CACNA2D3: variants seen among roughly 807,000 people sequenced by gnomAD.
CACNA2D3 encodes voltage-dependent calcium channel subunit alpha-2/delta-3.
Under a neutral mutation model 160.6 loss-of-function variants are expected in CACNA2D3, and 60 were observed. The ratio of observed to expected loss-of-function variants is 0.37; its 90% CI spans 0.30 to 0.46. The LOEUF (loss-of-function observed/expected upper bound fraction) is 0.46. CACNA2D3 is among the 20% of genes least tolerant of loss of function. CACNA2D3 has a pLI of 1.00. For missense variants in CACNA2D3, 1,205 were observed against 1,365.0 expected, an observed-to-expected ratio of 0.88 and a Z score of 1.85; for synonymous variants, 558 against 492.9, an observed-to-expected ratio of 1.13 and a Z score of -1.75.
chr3:54,998,196 A>G (rs1702901245), intron 31 of CACNA2D3, among the ~76,000 whole-genome samples: 1 of 143,670 alleles, frequency 7.0e-6, no homozygotes, highest in Non-Finnish European at 1.5e-5. Context: ...GTGCGGTGGC[A>G]CAAATCTCAG....
At chr3:54,636,381 G>A (rs1575397612) in intron 10 of CACNA2D3, among the ~76,000 whole-genome samples, 1 of 151,964 alleles carries the variant, frequency 6.6e-6, no homozygotes, top group Non-Finnish European at 1.5e-5. Context: ...TTGAAGTCCG[G>A]GCCAGGAACA....
intron 3 of CACNA2D3, among the ~76,000 whole-genome samples, chr3:54,350,462 C>T (rs1698532735): frequency 6.6e-6 from 1 of 152,092 alleles, no homozygotes. Context: ...GTCTGAGTGT[C>T]AGTGCAAGTG....
At chr3:55,038,907 T>TATATATATATACACAC (rs1553636480) in intron 35 of CACNA2D3, among the ~76,000 whole-genome samples, 1 of 113,068 alleles carries the variant, frequency 8.8e-6, no homozygotes, top group African/African-American at 3.2e-5. Context: ...TATATATATA[T>TATATATATATACACAC]ACACACACTG....
At position 54,824,223 on chromosome 3, in the gene CACNA2D3, A is replaced by C. The variant is rs77558817; in HGVS notation, c.1398+7353A>C. On this transcript the variant is annotated intron_variant, in intron 14 of 37. Transcript: ENST00000474759. The stretch of plus-strand genomic sequence containing the variant: ...TATTTTCTACCAAAGGCGATCTACC[A>C]ATCTTTAATCAAAGACTCAGTCCAT... Among the ~76,000 whole-genome samples the C allele has an allele frequency of 4.0e-3, 613 of 152,346 alleles. 4 individuals are homozygous for C. Among genetic ancestry groups the C allele is most frequent in the African/African-American group, 0.013 (529 of 41,572 alleles).
chr3:55,010,013 T>A (rs954976090), intron 34 of CACNA2D3, among the ~76,000 whole-genome samples: 10 of 152,202 alleles, frequency 6.6e-5, no homozygotes, highest in Non-Finnish European at 1.2e-4. Flanking sequence ...TTCCCTATGC[T>A]AAGCACAATG....
intron 17 of CACNA2D3, among the ~76,000 whole-genome samples, chr3:54,854,454 C>T (rs1354013923): frequency 5.3e-5 from 8 of 152,238 alleles, no homozygotes; most frequent in South Asian, 4.1e-4. Flanking sequence ...CTTGAGAACC[C>T]ACAGCTCCTG....
chr3:54,920,071 G>A (rs907533366), intron 27 of CACNA2D3, among the ~76,000 whole-genome samples: 4 of 152,208 alleles, frequency 2.6e-5, no homozygotes, highest in African/African-American at 9.7e-5. Context: ...TAGGCCAGCC[G>A]AAAAGACTGG....
At chr3:54,387,725 A>C (rs920360743) in intron 4 of CACNA2D3, among the ~76,000 whole-genome samples, 11 of 152,210 alleles carry the variant, frequency 7.2e-5, no homozygotes, top group Non-Finnish European at 1.5e-4. Context: ...AAGAACTTTT[A>C]TCTAAATTGG....
At chr3:54,542,206 C>T (rs557661688) in intron 5 of CACNA2D3, among the ~76,000 whole-genome samples, 35 of 151,890 alleles carry the variant, frequency 2.3e-4, no homozygotes, top group African/African-American at 3.6e-4. Flanking sequence ...GGATTACAGG[C>T]ACGTACCACC....
At chr3:54,226,640 T>G (rs1701678964) in intron 2 of CACNA2D3, among the ~76,000 whole-genome samples, 1 of 152,110 alleles carries the variant, frequency 6.6e-6, no homozygotes, top group East Asian at 1.9e-4. Context: ...GCCCCTTGAT[T>G]CCTGGCTGCC....
intron 11 of CACNA2D3, among the ~76,000 whole-genome samples, chr3:54,682,608 C>T (rs1700374600): frequency 6.6e-6 from 1 of 151,518 alleles, no homozygotes; most frequent in African/African-American, 2.4e-5. Flanking sequence ...AAAACTCTGA[C>T]TCAAAAAAGA....
At chr3:55,017,129 C>T (rs1568037) in intron 34 of CACNA2D3, among the ~76,000 whole-genome samples, 82,032 of 151,356 alleles carry the variant, frequency 0.54, 23,459 homozygotes, top group East Asian at 0.74. Context: ...ATTTTTTTTT[C>T]CTACAAAAAC....
chr3:54,325,805 G>C (rs186536283), intron 3 of CACNA2D3, among the ~76,000 whole-genome samples: 114 of 152,240 alleles, frequency 7.5e-4, no homozygotes, highest in South Asian at 3.1e-3. Context: ...CAAACCTTGG[G>C]TAAGATATTT....
chr3:54,737,738 C>A (rs896306445), intron 11 of CACNA2D3, among the ~76,000 whole-genome samples: 1 of 152,166 alleles, frequency 6.6e-6, no homozygotes, highest in Admixed American at 6.5e-5. Context: ...AATGTCAGCT[C>A]ACTGCAACCT....
chr3:54,458,746 C>A (rs1700444136), intron 4 of CACNA2D3, among the ~76,000 whole-genome samples: 1 of 151,024 alleles, frequency 6.6e-6, no homozygotes, highest in South Asian at 2.1e-4. Flanking sequence ...CTGTTATTTC[C>A]TTAAATACAT....
At position 54,651,670 on chromosome 3, in the gene CACNA2D3, C is replaced by G. The variant is rs112923274; in HGVS notation, c.1167+9429C>G. 2.7e-3 allele frequency among the ~76,000 whole-genome samples: 411 copies of G among 152,228 alleles called. 2 individuals carry two copies. Among genetic ancestry groups the G allele is most frequent in the African/African-American group, 9.4e-3 (390 of 41,552 alleles). On this transcript the variant is annotated intron_variant, in intron 11 of 37. Transcript: ENST00000474759. ...ACATGCATCTTCGAGGAGGGGCTGGCTTGGGGATTTTGTGCCCCAAGCCTC... is the reference window on the plus strand; with the variant it reads ...ACATGCATCTTCGAGGAGGGGCTGGGTTGGGGATTTTGTGCCCCAAGCCTC...
intron 4 of CACNA2D3, among the ~76,000 whole-genome samples, chr3:54,422,558 C>A (rs571185923): frequency 2.0e-5 from 3 of 152,122 alleles, no homozygotes; most frequent in Non-Finnish European, 4.4e-5. Flanking sequence ...AGTGAGTTGA[C>A]AGGAGTGGAA....
At chr3:54,576,295 G>A (rs772778045) in intron 8 of CACNA2D3, among the ~76,000 whole-genome samples, 1 of 152,144 alleles carries the variant, frequency 6.6e-6, no homozygotes, top group Non-Finnish European at 1.5e-5. Flanking sequence ...CTTTTGGACT[G>A]TGATTCACCT....
chr3:54,302,628 A>G (rs1048418722), intron 2 of CACNA2D3, among the ~76,000 whole-genome samples: 1 of 152,118 alleles, frequency 6.6e-6, no homozygotes, highest in African/African-American at 2.4e-5. Context: ...AATAATTTTA[A>G]ACACTGAAAA....
Sources: gnomAD v4.1 joint callset for allele counts (sites outside exome capture counted in the v4.1 genomes callset) on GRCh38, gnomAD v4.1.1 for gene constraint, MANE v1.5 for transcripts, NCBI Gene and HGNC (gene_info 2026-07-23, HGNC 2026-07-21) for gene names.